The following SHTN1 variants were observed in gnomAD, a reference collection of about 807,000 sequenced individuals.
The protein encoded by SHTN1 is shootin-1.
In SHTN1, 42 loss-of-function variants were observed where a neutral mutation model predicts 83.1. The ratio of observed to expected loss-of-function variants is 0.51; its 90% CI spans 0.39 to 0.65. SHTN1 has a LOEUF of 0.65. SHTN1 is among the 30% of genes least tolerant of loss of function. SHTN1 has a pLI of 0.00. For missense variants in SHTN1, 622 were observed against 737.8 expected (o/e 0.84, Z 1.82); for synonymous variants, 224 against 247.7 (o/e 0.90, Z 0.90).
intron 1 of SHTN1, among the ~76,000 whole-genome samples, chr10:117,065,831 A>AGGAAGGAAGGAAGGAT (rs1852987828): frequency 2.3e-5 from 2 of 86,232 alleles, no homozygotes; most frequent in African/African-American, 9.4e-5. Flanking sequence ...GAAGGAAGGA[A>AGGAAGGAAGGAAGGAT]GGAAGGAAGG....
upstream of SHTN1, among the ~76,000 whole-genome samples, chr10:117,006,240 GT>G (rs11434853): frequency 1.4e-5 from 2 of 147,246 alleles, no homozygotes; most frequent in Admixed American, 6.7e-5. Flanking sequence ...GTTTTTTTTT[GT>G]TTTTTTTTTG....
At position 116,949,541 on chromosome 10, in the gene SHTN1, G is replaced by A. The variant is rs1849703150; in HGVS notation, c.535-544C>T. Among the ~76,000 whole-genome samples, 4 of 152,288 alleles carry A rather than the reference G, an allele frequency of 2.6e-5. No homozygotes were observed. The South Asian group carries it at 8.3e-4, about 32-fold the overall frequency. On this transcript the variant is annotated intron_variant, in intron 6 of 16. Coordinates refer to ENST00000355371, the MANE Select transcript of SHTN1 (RefSeq NM_001127211.3). ...TGGTATTCATTTTAAATGTTGATTA[G>A]CATTAGGAGATATACCTAATGTAAA...
chr10:116,974,182 CAT>C (rs748239107), intron 2 of SHTN1: 684 of 1,011,816 alleles, frequency 6.8e-4, no homozygotes, highest in Non-Finnish European at 7.5e-4. Flanking sequence ...GATGGAAACA[CAT>C]GTCATCAGAA....
chr10:116,990,419 CA>C (rs2133510384), intron 1 of SHTN1, among the ~76,000 whole-genome samples: 1 of 151,808 alleles, frequency 6.6e-6, no homozygotes, highest in Non-Finnish European at 1.5e-5. Context: ...CTTGTTCTCC[CA>C]GGGGGCACGA....
At chr10:116,919,682 C>T (rs999383858) in intron 12 of SHTN1, among the ~76,000 whole-genome samples, 1 of 152,130 alleles carries the variant, frequency 6.6e-6, no homozygotes, top group African/African-American at 2.4e-5. Flanking sequence ...ATTTAAATTA[C>T]AGCATCAGGA....
At chr10:117,037,997 T>TAAAAA (rs1852525949) in intron 2 of SHTN1, among the ~76,000 whole-genome samples, 2 of 9,776 alleles carry the variant, frequency 2.0e-4, no homozygotes, top group African/African-American at 5.5e-4. Context: ...GAGCGAGACT[T>TAAAAA]CAAAAAAAAA....
chr10:116,959,513 G>A (rs1190595895), intron 4 of SHTN1, among the ~76,000 whole-genome samples: 1 of 152,142 alleles, frequency 6.6e-6, no homozygotes, highest in Non-Finnish European at 1.5e-5. Context: ...ACTTTCTGAT[G>A]AAGTGGTTCA....
chr10:116,882,510 A>C lies in SHTN1; in HGVS notation c.*3834T>G, dbSNP rs1365397943. The stretch of plus-strand genomic sequence containing the variant: ...GCAGAAATAAATATATTCAGACACA[A>C]ACATATAGATATAATAATATCCAAC... On this transcript the variant is annotated 3_prime_UTR_variant, in exon 17 of 17. Transcript: ENST00000355371. The C allele has an allele frequency of 6.6e-6, 1 of 152,164 alleles. No homozygotes were observed. The highest frequency in any genetic ancestry group is 1.5e-5 in the Non-Finnish European group (1 of 68,032). The allele number at this position is 152,164 out of a possible 1,614,324, so 9.4% of individuals were successfully genotyped here.
Position 117,048,512 on chromosome 10 carries a change from T to G in SHTN1, c.-188-2A>C, listed in dbSNP as rs753708275. On this transcript the variant is annotated splice_acceptor_variant, in intron 1 of 17. Coordinates refer to the SHTN1 transcript ENST00000392901. LOFTEE classifies it low-confidence loss of function (5UTR_SPLICE). The stretch of plus-strand genomic sequence containing the variant: ...CAGACCACTGATTGGAGGGCAAACC[T>G]GAAAAGGATTAAACACTTAGCATGG... 1 of 982,790 alleles carries G rather than the reference T, an allele frequency of 1.0e-6. No individual in the cohort carries two copies. Among genetic ancestry groups the G allele is most frequent in the Non-Finnish European group, 1.2e-6 (1 of 827,570 alleles). The allele number at this position is 982,790 out of a possible 1,614,324, so 60.9% of individuals were successfully genotyped here.
intron 10 of SHTN1, among the ~76,000 whole-genome samples, chr10:116,928,438 T>C (rs371090901): frequency 2.0e-5 from 3 of 152,210 alleles, no homozygotes; most frequent in Non-Finnish European, 4.4e-5. Context: ...TCTGGAAATG[T>C]ATCGTATTCC....
At chr10:117,046,227 C>CA (rs1437047855) in intron 2 of SHTN1, among the ~76,000 whole-genome samples, 1 of 151,806 alleles carries the variant, frequency 6.6e-6, no homozygotes, top group Non-Finnish European at 1.5e-5. Flanking sequence ...ACTCAAACTG[C>CA]AAAAAATACA....
At chr10:117,112,517 AAC>A (rs1406139104) in intron 1 of SHTN1, among the ~76,000 whole-genome samples, 1 of 152,244 alleles carries the variant, frequency 6.6e-6, no homozygotes, top group Non-Finnish European at 1.5e-5. Flanking sequence ...ACATTACAAT[AAC>A]CATTGTTTCA....
intron 2 of SHTN1, among the ~76,000 whole-genome samples, chr10:117,020,066 T>A (rs775654741): frequency 5.5e-4 from 84 of 151,998 alleles, no homozygotes; most frequent in Non-Finnish European, 1.0e-3. Context: ...AGGCAACAGA[T>A]CTAGAATAAC....
At chr10:117,048,613 C>T (rs182798098) in intron 1 of SHTN1, 3 of 279,166 alleles carry the variant, frequency 1.1e-5, no homozygotes, top group African/African-American at 6.9e-5. Context: ...TGTGTTCAGA[C>T]TCCCCAATTA....
chr10:116,884,357 C>T lies in SHTN1; in HGVS notation c.*1987G>A, dbSNP rs750834890. The T allele has an allele frequency of 3.3e-5, 14 of 421,254 alleles. 1 individual carries two copies. The highest frequency in any genetic ancestry group is 3.3e-4 in the Admixed American group (13 of 39,176). The allele number at this position is 421,254 out of a possible 1,614,324, so 26.1% of individuals were successfully genotyped here. On this transcript the variant is annotated 3_prime_UTR_variant, in exon 17 of 17. Coordinates refer to ENST00000355371, the MANE Select transcript of SHTN1 (RefSeq NM_001127211.3). ...TGAGTGAATATCTTCCATCAAATAC[C>T]TTCATGTCAAATTAATTTAAAATGC...
intron 6 of SHTN1, among the ~76,000 whole-genome samples, chr10:116,950,619 A>G (rs1849742743): frequency 6.6e-6 from 1 of 152,204 alleles, no homozygotes; most frequent in African/African-American, 2.4e-5. Context: ...CTAAGAAACA[A>G]AGATAATGGT....
intron 4 of SHTN1, among the ~76,000 whole-genome samples, chr10:116,958,261 T>C (rs1019112863): frequency 2.0e-5 from 3 of 152,162 alleles, no homozygotes; most frequent in African/African-American, 7.2e-5. Context: ...ACACATATAA[T>C]GAAGTTTCCA....
intron 1 of SHTN1, among the ~76,000 whole-genome samples, chr10:117,070,989 TCAGA>T (rs1443669614): frequency 3.3e-5 from 5 of 151,808 alleles, no homozygotes; most frequent in Non-Finnish European, 1.5e-5. Flanking sequence ...TTTTTTTTTC[TCAGA>T]AAGAGGCTTG....
intron 4 of SHTN1, among the ~76,000 whole-genome samples, chr10:116,958,301 C>A (rs1157900064): frequency 6.6e-6 from 1 of 152,106 alleles, no homozygotes; most frequent in Admixed American, 6.5e-5. Flanking sequence ...TCTTTCACAA[C>A]AAACAAGCAC....
Sources: gnomAD v4.1 joint callset for allele counts (sites outside exome capture counted in the v4.1 genomes callset) on GRCh38, gnomAD v4.1.1 for gene constraint, MANE v1.5 for transcripts, NCBI Gene and HGNC (gene_info 2026-07-23, HGNC 2026-07-21) for gene names.